LRMDA: variants seen among roughly 807,000 people sequenced by gnomAD.
LRMDA encodes leucine-rich melanocyte differentiation-associated protein.
LRMDA carries 18 observed loss-of-function variants against 29.8 expected under a neutral mutation model. The ratio of observed to expected loss-of-function variants is 0.60; its 90% CI spans 0.42 to 0.90. LRMDA has a LOEUF of 0.90. Among genes scored for constraint, LRMDA ranks in the 40% least tolerant of loss-of-function variants. The probability of loss-of-function intolerance (pLI) is 0.00; values close to 1 mark genes in which losing one functional copy is unlikely to be tolerated. For missense variants in LRMDA, 273 were observed against 273.9 expected, an observed-to-expected ratio of 1.00 and a Z score of 0.02; for synonymous variants, 125 against 109.4, an observed-to-expected ratio of 1.14 and a Z score of -0.89.
chr10:76,183,095 T>C lies in LRMDA; in HGVS notation c.516+124312T>C, dbSNP rs541501916. 2.8e-4 allele frequency among the ~76,000 whole-genome samples: 43 copies of C among 152,324 alleles called. No homozygotes were observed. In the South Asian group the frequency reaches 6.0e-3, roughly 21 times the overall value. On this transcript the variant is annotated intron_variant, in intron 5 of 6. Coordinates refer to ENST00000611255, the MANE Select transcript of LRMDA (RefSeq NM_001305581.2). ...AGGAAGGAGTCCCCTCTCATTTTCC[T>C]TGTGGATGCTGTCCATGGAAGTAGA...
chr10:75,889,965 A>G (rs1207471285), intron 2 of LRMDA, among the ~76,000 whole-genome samples: 1 of 152,242 alleles, frequency 6.6e-6, no homozygotes, highest in Admixed American at 6.5e-5. Context: ...TTAGCTGGTT[A>G]GAAGATGTTC....
At chr10:75,615,675 A>T (rs1841089648) in intron 2 of LRMDA, among the ~76,000 whole-genome samples, 1 of 152,206 alleles carries the variant, frequency 6.6e-6, no homozygotes, top group Non-Finnish European at 1.5e-5. Context: ...TAATACATCC[A>T]TTGAATAGTC....
intron 2 of LRMDA, among the ~76,000 whole-genome samples, chr10:75,888,752 C>T (rs894817206): frequency 1.3e-5 from 2 of 152,162 alleles, no homozygotes; most frequent in African/African-American, 4.8e-5. Flanking sequence ...GTACAAATAA[C>T]ATCTGGGCCA....
chr10:75,986,735 C>T (rs529269854), intron 2 of LRMDA, among the ~76,000 whole-genome samples: 31 of 152,374 alleles, frequency 2.0e-4, no homozygotes, highest in African/African-American at 6.7e-4. Context: ...GCCTAGGCCA[C>T]GCTTCTCACC....
intron 6 of LRMDA, among the ~76,000 whole-genome samples, chr10:76,414,396 A>T (rs1435680315): frequency 6.6e-6 from 1 of 152,224 alleles, no homozygotes; most frequent in African/African-American, 2.4e-5. Context: ...CTATACTTCA[A>T]GGAATGCCCA....
chr10:75,494,720 T>G (rs1845025674), intron 2 of LRMDA, among the ~76,000 whole-genome samples: 1 of 151,962 alleles, frequency 6.6e-6, no homozygotes, highest in African/African-American at 2.4e-5. Context: ...AGGCTGGTCT[T>G]GAACTTCTGG....
chr10:75,990,288 A>G (rs756191810), intron 2 of LRMDA, among the ~76,000 whole-genome samples: 5 of 152,172 alleles, frequency 3.3e-5, no homozygotes, highest in African/African-American at 4.8e-5. Context: ...CTTAGCATTT[A>G]ATTTTAGATA....
At chr10:75,591,725 A>C (rs1055325354) in intron 2 of LRMDA, among the ~76,000 whole-genome samples, 1 of 152,198 alleles carries the variant, frequency 6.6e-6, no homozygotes, top group Non-Finnish European at 1.5e-5. Context: ...TGTGTTTATA[A>C]GGATATTTTC....
At chr10:76,008,175 T>C (rs1373131787) in intron 2 of LRMDA, among the ~76,000 whole-genome samples, 1 of 152,144 alleles carries the variant, frequency 6.6e-6, no homozygotes, top group African/African-American at 2.4e-5. Context: ...GGGTGGCTAA[T>C]GTCCTAAGAA....
chr10:76,216,179 C>T (rs896523408), intron 5 of LRMDA, among the ~76,000 whole-genome samples: 6 of 152,126 alleles, frequency 3.9e-5, no homozygotes, highest in East Asian at 1.9e-4. Context: ...CAAGCAAGAC[C>T]CCATCTGTAC....
chr10:75,840,321 A>G (rs1292541668), intron 2 of LRMDA, among the ~76,000 whole-genome samples: 8 of 152,290 alleles, frequency 5.3e-5, no homozygotes, highest in African/African-American at 1.9e-4. Flanking sequence ...TGAAATGAAG[A>G]TGGTAATGCT....
At chr10:75,544,686 T>C (rs1481536064) in intron 2 of LRMDA, among the ~76,000 whole-genome samples, 2 of 152,148 alleles carry the variant, frequency 1.3e-5, no homozygotes. Context: ...TAAAAAACTT[T>C]CTTGTTTTTT....
intron 2 of LRMDA, among the ~76,000 whole-genome samples, chr10:75,721,026 G>T (rs1400408480): frequency 6.6e-6 from 1 of 152,214 alleles, no homozygotes; most frequent in South Asian, 2.1e-4. Context: ...ACAGAATGCC[G>T]TGGAAGATAG....
intron 2 of LRMDA, among the ~76,000 whole-genome samples, chr10:75,645,865 T>C (rs1841513480): frequency 6.6e-6 from 1 of 152,096 alleles, no homozygotes. Context: ...TTTCCCTTCT[T>C]CTCATCCTTC....
chr10:76,050,372 A>G (rs984841281), intron 4 of LRMDA, among the ~76,000 whole-genome samples: 1 of 152,218 alleles, frequency 6.6e-6, no homozygotes, highest in Non-Finnish European at 1.5e-5. Flanking sequence ...CATCCCCACC[A>G]TAAAACAGGC....
intron 5 of LRMDA, among the ~76,000 whole-genome samples, chr10:76,304,859 G>A (rs1268153931): frequency 6.6e-6 from 1 of 152,108 alleles, no homozygotes; most frequent in Non-Finnish European, 1.5e-5. Context: ...AGTGCCCTGC[G>A]GGAGCAGGAG....
intron 5 of LRMDA, among the ~76,000 whole-genome samples, chr10:76,103,169 A>G (rs556265616): frequency 2.5e-4 from 38 of 152,324 alleles, no homozygotes; most frequent in African/African-American, 8.9e-4. Context: ...TACTAGTTTC[A>G]TGTAGGAACC....
At chr10:75,770,970 G>A (rs1033429828) in intron 2 of LRMDA, among the ~76,000 whole-genome samples, 5 of 152,164 alleles carry the variant, frequency 3.3e-5, no homozygotes, top group African/African-American at 2.4e-5. Context: ...ATTTCACAAT[G>A]GGGCGAGTGT....
intron 6 of LRMDA, among the ~76,000 whole-genome samples, chr10:76,379,292 A>G (rs1841560870): frequency 6.6e-6 from 1 of 151,486 alleles, no homozygotes; most frequent in African/African-American, 2.4e-5. Context: ...GAATACTTTC[A>G]CTACGATTGG....
Sources: gnomAD v4.1 joint callset for allele counts (sites outside exome capture counted in the v4.1 genomes callset) on GRCh38, gnomAD v4.1.1 for gene constraint, MANE v1.5 for transcripts, NCBI Gene and HGNC (gene_info 2026-07-23, HGNC 2026-07-21) for gene names.